UBE2K: variants seen among roughly 807,000 people sequenced by gnomAD.
UBE2K encodes ubiquitin conjugating enzyme E2 K, also known as ubiquitin-conjugating enzyme E2 K.
Under a neutral mutation model 30.0 loss-of-function variants are expected in UBE2K, and 6 were observed. That is an observed-to-expected ratio of 0.20 (90% CI 0.11 to 0.39). The LOEUF (loss-of-function observed/expected upper bound fraction) is 0.39. Ranked by LOEUF, UBE2K falls within the 10% of genes least tolerant of loss-of-function variation. The probability of loss-of-function intolerance (pLI) is 1.00; values close to 1 mark genes in which losing one functional copy is unlikely to be tolerated. For synonymous variants in UBE2K, 86 were observed against 83.7 expected, an observed-to-expected ratio of 1.03 and a Z score of -0.15; for missense variants, 61 against 241.6, an observed-to-expected ratio of 0.25 and a Z score of 4.96.
At chr4:39,699,626 A>G (rs1357928756) in intron 1 of UBE2K, among the ~76,000 whole-genome samples, 1 of 152,178 alleles carries the variant, frequency 6.6e-6, no homozygotes, top group African/African-American at 2.4e-5. Context: ...TATTTTCAAG[A>G]TTCACATACC....
At chr4:39,770,888 C>T (rs1388689243) in intron 4 of UBE2K, 1 of 1,544,842 alleles carries the variant, frequency 6.5e-7, no homozygotes, top group Non-Finnish European at 8.7e-7. Context: ...CCAGTGGGAA[C>T]TCCAGCTTCA....
At chr4:39,709,440 T>C (rs1718553911) in intron 1 of UBE2K, among the ~76,000 whole-genome samples, 1 of 152,084 alleles carries the variant, frequency 6.6e-6, no homozygotes, top group African/African-American at 2.4e-5. Flanking sequence ...GCAGTTTCAG[T>C]TACCCATTGT....
intron 6 of UBE2K, 143 bp downstream of exon 6, chr4:39,777,953 CTGGACATGGTAG>C: frequency 1.4e-6 from 1 of 730,774 alleles, no homozygotes; most frequent in Non-Finnish European, 2.0e-6. Flanking sequence ...CAAAAATTAG[CTGGACATGGTAG>C]TGAGTGCCTG....
Position 39,713,825 on chromosome 4 carries a change from C to G in UBE2K, c.63+15435C>G, listed in dbSNP as rs1718853004. On this transcript the variant is annotated intron_variant, in intron 1 of 6. Transcript: ENST00000261427. ...TTTAAAAAAAAAAACTCTGAGTATA[C>G]TTTCTTCATTTTTGTTTAAAACCGA... 3.3e-5 allele frequency: 5 copies of G among 151,790 alleles called. No homozygotes were observed. The South Asian group carries it at 1.0e-3, about 32-fold the overall frequency. The allele number at this position is 151,790 out of a possible 1,614,324, so 9.4% of individuals were successfully genotyped here.
intron 4 of UBE2K, among the ~76,000 whole-genome samples, chr4:39,767,735 C>T (rs1256870646): frequency 6.6e-6 from 1 of 151,940 alleles, no homozygotes; most frequent in Non-Finnish European, 1.5e-5. Flanking sequence ...ATTTTACATG[C>T]CTTTATGTTT....
In UBE2K at chr4:39,698,157, G is replaced by A. The variant is rs902296343; in HGVS notation, c.-171G>A. On this transcript the variant is annotated 5_prime_UTR_variant, in exon 1 of 7. Coordinates refer to ENST00000261427, the MANE Select transcript of UBE2K (RefSeq NM_005339.5). The stretch of plus-strand genomic sequence containing the variant: ...CGGCGCCATTTTGGTGGCCGGGCGC[G>A]GAGGTGATTCCACACTGAGGCGAGC... 4 of 680,396 alleles carry A rather than the reference G, an allele frequency of 5.9e-6. No individual in the cohort carries two copies. Among genetic ancestry groups the A allele is most frequent in the South Asian group, 5.1e-5 (3 of 59,098 alleles). The allele number at this position is 680,396 out of a possible 1,614,324, so 42.1% of individuals were successfully genotyped here. A position where few individuals can be genotyped will look rare whatever the true frequency, so the allele number is the denominator to read the frequency against.
chr4:39,736,052 A>C (rs159987), intron 1 of UBE2K, among the ~76,000 whole-genome samples: 121,933 of 151,466 alleles, frequency 0.81, 49,306 homozygotes, highest in East Asian at 0.92. Context: ...CAAAGACAGT[A>C]ATTCTTACAC....
intron 1 of UBE2K, among the ~76,000 whole-genome samples, chr4:39,724,640 A>G (rs1423790861): frequency 6.7e-6 from 1 of 149,800 alleles, no homozygotes; most frequent in Non-Finnish European, 1.5e-5. Context: ...TGGTAAGTGC[A>G]TGCCTGTAGG....
intron 1 of UBE2K, among the ~76,000 whole-genome samples, chr4:39,724,179 C>T (rs1719597764): frequency 6.7e-6 from 1 of 148,656 alleles, no homozygotes; most frequent in Non-Finnish European, 1.5e-5. Context: ...ACAATCATGG[C>T]TTACTACAAC....
chr4:39,757,018 G>GTTTTTTTTTTTTTTTTT (rs1227834116), intron 4 of UBE2K, among the ~76,000 whole-genome samples: 8 of 72,086 alleles, frequency 1.1e-4, no homozygotes, highest in Non-Finnish European at 1.9e-4. Flanking sequence ...TTTGTTTTTT[G>GTTTTTTTTTTTTTTTTT]TTTTTTGTTT....
intron 2 of UBE2K, among the ~76,000 whole-genome samples, chr4:39,740,414 C>T (rs1291840125): frequency 2.6e-5 from 4 of 151,838 alleles, no homozygotes; most frequent in Non-Finnish European, 5.9e-5. Flanking sequence ...AGGTGGTGGG[C>T]GCCTGTGGTC....
At chr4:39,771,520 A>G (rs1712843475) in intron 4 of UBE2K, 1 of 1,398,942 alleles carries the variant, frequency 7.1e-7, no homozygotes, top group Admixed American at 2.6e-5. Context: ...GCGGGGCCGG[A>G]AGCGCCCCCC....
chr4:39,743,577 C>G (rs2109357731), intron 2 of UBE2K, among the ~76,000 whole-genome samples: 1 of 150,904 alleles, frequency 6.6e-6, no homozygotes, highest in South Asian at 2.1e-4. Context: ...GCACTCCAGC[C>G]TGGGCGACAG....
chr4:39,712,861 CT>C (rs542180052), intron 1 of UBE2K, among the ~76,000 whole-genome samples: 26,555 of 133,588 alleles, frequency 0.2, 2,458 homozygotes, highest in Non-Finnish European at 0.24. Flanking sequence ...TTAGTGTTTA[CT>C]TTTTTTTTTT....
chr4:39,782,114 T>C lies in UBE2K; in HGVS notation c.*3680T>C. 1 of 394,966 alleles carries C rather than the reference T, an allele frequency of 2.5e-6. No homozygotes were observed. Among genetic ancestry groups the C allele is most frequent in the Non-Finnish European group, 4.5e-6 (1 of 223,970 alleles). 24.5% of individuals were successfully genotyped at this position (394,966 alleles called of 1,614,324 possible). ...ACTGCTTCATTGGACTGATACACCC[T>C]CATGAACTTGCAATCACCTAAATGG... is the stretch of plus-strand genomic sequence containing the variant. On this transcript the variant is annotated 3_prime_UTR_variant, in exon 7 of 7. Coordinates refer to ENST00000261427, the MANE Select transcript of UBE2K (RefSeq NM_005339.5).
At chr4:39,767,523 C>T (rs28628754) in intron 4 of UBE2K, among the ~76,000 whole-genome samples, 78,177 of 151,722 alleles carry the variant, frequency 0.52, 20,781 homozygotes, top group East Asian at 0.63. Flanking sequence ...CGGAGTTTCA[C>T]CATGTTTGCC....
chr4:39,757,000 G>GT (rs35733561), intron 4 of UBE2K, among the ~76,000 whole-genome samples: 20,033 of 94,324 alleles, frequency 0.21, 4,484 homozygotes, highest in African/African-American at 0.52. Context: ...TTTTTTGGGT[G>GT]TTTTTTTTTT....
chr4:39,773,812 T>G (rs1713094498), intron 4 of UBE2K, among the ~76,000 whole-genome samples: 2 of 151,816 alleles, frequency 1.3e-5, no homozygotes, highest in Admixed American at 1.3e-4. Flanking sequence ...TCCCAGCTAC[T>G]CGGGAGGCTG....
chr4:39,750,010 C>T (rs569720250), intron 3 of UBE2K, among the ~76,000 whole-genome samples: 17 of 152,210 alleles, frequency 1.1e-4, no homozygotes, highest in African/African-American at 3.4e-4. Context: ...ACTAGCCTGG[C>T]CGACATGGTG....
Sources: allele counts gnomAD v4.1 joint callset (sites outside exome capture counted in the v4.1 genomes callset), GRCh38; gene constraint gnomAD v4.1.1; transcripts MANE v1.5; gene names NCBI Gene and HGNC (gene_info 2026-07-23, HGNC 2026-07-21).